UBE2F: variants seen among roughly 807,000 people sequenced by gnomAD.
The protein encoded by UBE2F is ubiquitin conjugating enzyme E2 F (putative).
A neutral mutation model predicts 29.6 loss-of-function variants in UBE2F; 5 were observed. The ratio of observed to expected loss-of-function variants is 0.17; its 90% CI spans 0.09 to 0.36. The LOEUF (loss-of-function observed/expected upper bound fraction) is 0.36, where lower values mean the gene tolerates loss of function less well. Ranked by LOEUF, UBE2F falls within the 10% of genes least tolerant of loss-of-function variation. UBE2F has a pLI of 1.00. For missense variants in UBE2F, 141 were observed against 228.5 expected (o/e 0.62, Z 2.47); for synonymous variants, 66 against 81.8 (o/e 0.81, Z 1.04).
intron 3 of UBE2F, among the ~76,000 whole-genome samples, chr2:237,988,465 G>C (rs768322124): frequency 2.0e-5 from 3 of 149,912 alleles, no homozygotes; most frequent in Non-Finnish European, 4.4e-5. Context: ...AAAAAAATTG[G>C]ATTAGCTGGG....
chr2:238,031,507 G>A (rs991533344), intron 7 of UBE2F, among the ~76,000 whole-genome samples: 4 of 152,224 alleles, frequency 2.6e-5, no homozygotes, highest in Non-Finnish European at 5.9e-5. Context: ...TGGGTGGATG[G>A]ATTGATGGAC....
intron 5 of UBE2F, among the ~76,000 whole-genome samples, chr2:238,017,857 G>C (rs1319464543): frequency 2.0e-5 from 3 of 152,174 alleles, no homozygotes; most frequent in Non-Finnish European, 4.4e-5. Context: ...TGGGAAGTGT[G>C]CTCCCACTGC....
At chr2:238,039,739 CTGGAGCA>C (rs1350334409) in intron 9 of UBE2F, among the ~76,000 whole-genome samples, 1 of 152,184 alleles carries the variant, frequency 6.6e-6, no homozygotes, top group African/African-American at 2.4e-5. Flanking sequence ...ATGGGGCCTG[CTGGAGCA>C]TGGAGCCTGC....
chr2:237,973,945 C>T (rs975213949), intron 2 of UBE2F, among the ~76,000 whole-genome samples: 4 of 151,808 alleles, frequency 2.6e-5, no homozygotes, highest in Non-Finnish European at 5.9e-5. Context: ...ACAGTTGCAA[C>T]CTTTAAGGAG....
intron 1 of UBE2F, among the ~76,000 whole-genome samples, chr2:237,971,743 C>CG (rs1229688546): frequency 1.8e-5 from 1 of 56,850 alleles, no homozygotes; most frequent in Non-Finnish European, 3.5e-5. Flanking sequence ...CGGATAGTTA[C>CG]TTTGTTACAA....
intron 4 of UBE2F, among the ~76,000 whole-genome samples, chr2:238,000,944 C>G (rs1019156109): frequency 6.6e-6 from 1 of 150,770 alleles, no homozygotes; most frequent in Non-Finnish European, 1.5e-5. Context: ...TGTATATCTT[C>G]TTTGTTCAAG....
chr2:237,997,274 A>G lies in UBE2F; in HGVS notation c.214+2465A>G, dbSNP rs112572035. On this transcript the variant is annotated intron_variant, in intron 4 of 9. Coordinates refer to ENST00000272930, the MANE Select transcript of UBE2F (RefSeq NM_080678.3). ...AACTTGTGTCTTGGTACCTGTAAATACTTAATGCCTGAATATTCATATTTT... is the reference window on the plus strand; with the variant it reads ...AACTTGTGTCTTGGTACCTGTAAATGCTTAATGCCTGAATATTCATATTTT... Among the ~76,000 whole-genome samples the G allele has an allele frequency of 1.3e-3, 199 of 152,278 alleles. 2 individuals are homozygous for G. Among genetic ancestry groups the G allele is most frequent in the African/African-American group, 4.5e-3 (188 of 41,566 alleles).
chr2:238,000,579 G>A (rs2063773236), intron 4 of UBE2F, among the ~76,000 whole-genome samples: 1 of 152,170 alleles, frequency 6.6e-6, no homozygotes, highest in South Asian at 2.1e-4. Flanking sequence ...GAACCTTTGT[G>A]TTGTTTCCAC....
At chr2:238,003,587 G>A (rs1452960343) in intron 4 of UBE2F, 2 of 280,728 alleles carry the variant, frequency 7.1e-6, no homozygotes, top group Non-Finnish European at 1.5e-5. Context: ...AACAGATTCT[G>A]GTGGTCTCCA....
intron 4 of UBE2F, among the ~76,000 whole-genome samples, chr2:238,001,173 A>G (rs893007393): frequency 6.6e-6 from 1 of 151,588 alleles, no homozygotes; most frequent in African/African-American, 2.4e-5. Context: ...AGCTGGGATT[A>G]CAGGCATGTG....
intron 5 of UBE2F, among the ~76,000 whole-genome samples, chr2:238,023,910 G>GA (rs1559223880): frequency 6.6e-6 from 1 of 152,126 alleles, no homozygotes; most frequent in Non-Finnish European, 1.5e-5. Flanking sequence ...TCATCCTGAG[G>GA]AAACATTTCA....
intron 9 of UBE2F, among the ~76,000 whole-genome samples, chr2:238,037,147 G>T (rs977277685): frequency 3.3e-5 from 5 of 152,124 alleles, no homozygotes; most frequent in Admixed American, 2.6e-4. Context: ...TAAATGATCA[G>T]TCATTCATTT....
intron 7 of UBE2F, among the ~76,000 whole-genome samples, chr2:238,031,307 T>A (rs1360332944): frequency 6.6e-6 from 1 of 152,226 alleles, no homozygotes; most frequent in African/African-American, 2.4e-5. Flanking sequence ...CCTGCTCCCC[T>A]GGGGCTCAGA....
At chr2:237,985,890 G>A (rs1161893165) in intron 2 of UBE2F, among the ~76,000 whole-genome samples, 6 of 152,166 alleles carry the variant, frequency 3.9e-5, no homozygotes, top group African/African-American at 1.4e-4. Context: ...CATTCTAACA[G>A]GTGTGAGGTG....
At chr2:238,028,073 T>C (rs906056603) in intron 6 of UBE2F, among the ~76,000 whole-genome samples, 2 of 152,246 alleles carry the variant, frequency 1.3e-5, no homozygotes, top group Admixed American at 6.5e-5. Context: ...ACATCTCTGA[T>C]AGCCAAGTGT....
At chr2:238,023,795 T>A (rs1379003174) in intron 5 of UBE2F, among the ~76,000 whole-genome samples, 2 of 152,196 alleles carry the variant, frequency 1.3e-5, no homozygotes, top group Non-Finnish European at 2.9e-5. Flanking sequence ...TCTCCCTTAC[T>A]GCAGGTTGTG....
chr2:238,025,167 C>T (rs1041303778), intron 5 of UBE2F, 175 bp from the exon 6 acceptor site: 2 of 623,256 alleles, frequency 3.2e-6, no homozygotes, highest in Non-Finnish European at 5.9e-6. Context: ...CAACACATGC[C>T]TCATGGGTGA....
chr2:238,006,589 C>G (rs1235162104), intron 4 of UBE2F, among the ~76,000 whole-genome samples: 1 of 152,120 alleles, frequency 6.6e-6, no homozygotes, highest in Non-Finnish European at 1.5e-5. Flanking sequence ...GTAGACTTTC[C>G]TATGTAAACT....
intron 4 of UBE2F, among the ~76,000 whole-genome samples, chr2:238,002,969 T>C (rs1056858700): frequency 2.0e-5 from 3 of 152,110 alleles, no homozygotes; most frequent in Admixed American, 6.6e-5. Context: ...TAAATAGTTA[T>C]GGACATGTAA....
Sources: allele counts gnomAD v4.1 joint callset (sites outside exome capture counted in the v4.1 genomes callset), GRCh38; gene constraint gnomAD v4.1.1; transcripts MANE v1.5; gene names NCBI Gene and HGNC (gene_info 2026-07-23, HGNC 2026-07-21).